Variants in TBC1D32 observed in about 807,000 individuals in gnomAD.
TBC1D32 encodes protein broad-minded.
In TBC1D32, 151 loss-of-function variants were observed where a neutral mutation model predicts 170.3. The observed-to-expected ratio is 0.89, with a 90% CI of 0.78 to 1.01. TBC1D32 has a LOEUF of 1.01. Ranked by LOEUF, TBC1D32 falls within the 50% of genes least tolerant of loss-of-function variation. The pLI is 0.00. For synonymous variants in TBC1D32, 498 were observed against 488.0 expected, an observed-to-expected ratio of 1.02 and a Z score of -0.27; for missense variants, 1,464 against 1,457.1, an observed-to-expected ratio of 1.00 and a Z score of -0.08.
At chr6:121,173,197 AT>A (rs1295736943) in intron 22 of TBC1D32, among the ~76,000 whole-genome samples, 1 of 152,060 alleles carries the variant, frequency 6.6e-6, no homozygotes, top group Non-Finnish European at 1.5e-5. Context: ...GACTAGACTG[AT>A]TTACTCTTCC....
At chr6:121,103,522 G>T (rs1778365181) in intron 30 of TBC1D32, among the ~76,000 whole-genome samples, 1 of 144,658 alleles carries the variant, frequency 6.9e-6, no homozygotes, top group South Asian at 2.2e-4. Context: ...CTCATAGGTG[G>T]GAATTGAACA....
At chr6:121,285,592 C>T (rs938863370) in intron 12 of TBC1D32, among the ~76,000 whole-genome samples, 1 of 152,092 alleles carries the variant, frequency 6.6e-6, no homozygotes, top group African/African-American at 2.4e-5. Context: ...GTGAGCGACG[C>T]AGAAGACGGG....
chr6:121,178,175 T>G (rs1788025471), intron 22 of TBC1D32, among the ~76,000 whole-genome samples: 1 of 152,138 alleles, frequency 6.6e-6, no homozygotes, highest in Non-Finnish European at 1.5e-5. Context: ...CATGATTCAA[T>G]TATCTCTGCC....
chr6:121,149,454 C>A (rs1195577451), intron 24 of TBC1D32, among the ~76,000 whole-genome samples: 2 of 152,042 alleles, frequency 1.3e-5, no homozygotes, highest in African/African-American at 4.8e-5. Flanking sequence ...ACAAAGGGGT[C>A]CAGTTTCATT....
At chr6:121,206,937 A>AT (rs1485144502) in intron 21 of TBC1D32, among the ~76,000 whole-genome samples, 2 of 152,280 alleles carry the variant, frequency 1.3e-5, no homozygotes, top group South Asian at 2.1e-4. Flanking sequence ...TTTTTCCTGA[A>AT]TTAGCTACAT....
chr6:121,199,884 G>T (rs1477655959), intron 22 of TBC1D32, among the ~76,000 whole-genome samples: 1 of 151,310 alleles, frequency 6.6e-6, no homozygotes, highest in Non-Finnish European at 1.5e-5. Flanking sequence ...TAACCAAACT[G>T]CTTTTAATTA....
intron 29 of TBC1D32, among the ~76,000 whole-genome samples, chr6:121,107,041 C>CAAA (rs900593228): frequency 2.6e-5 from 4 of 151,672 alleles, no homozygotes; most frequent in African/African-American, 9.7e-5. Context: ...ATTATATCAA[C>CAAA]AAAAAAAGTT....
chr6:121,092,243 C>T (rs1304503849), intron 30 of TBC1D32, among the ~76,000 whole-genome samples: 1 of 147,164 alleles, frequency 6.8e-6, no homozygotes, highest in Non-Finnish European at 1.5e-5. Flanking sequence ...ATTACTTTAC[C>T]TTCGACAAAA....
rs2128197704 is a variant in TBC1D32 at position 121,112,670 on chromosome 6, C to T, written c.3170-11G>A. On this transcript the variant is annotated splice_polypyrimidine_tract_variant and intron_variant, in intron 28 of 31. Coordinates refer to ENST00000398212, the MANE Select transcript of TBC1D32 (RefSeq NM_152730.6). ...TCCCTTGCAGGCAGACTGAAAAACA[C>T]AGTTAAGAAAACTTTACAATATTTT... 1 of 1,547,062 alleles carries T rather than the reference C, an allele frequency of 6.5e-7. No homozygotes were observed. The highest frequency in any genetic ancestry group is 2.4e-5 in the East Asian group (1 of 41,640).
intron 9 of TBC1D32, among the ~76,000 whole-genome samples, chr6:121,300,494 G>A (rs1019553284): frequency 2.6e-5 from 4 of 151,900 alleles, no homozygotes; most frequent in Non-Finnish European, 5.9e-5. Flanking sequence ...CAAGCAATGA[G>A]GAAAGGATTT....
chr6:121,233,409 A>G (rs1288797999), intron 20 of TBC1D32, among the ~76,000 whole-genome samples: 1 of 152,050 alleles, frequency 6.6e-6, no homozygotes, highest in African/African-American at 2.4e-5. Context: ...GTGCTTATAT[A>G]TTTAGGATTT....
At chr6:121,255,530 T>TTTTA (rs1798892581) in intron 16 of TBC1D32, 120 bp from the exon 17 acceptor site, 1 of 241,908 alleles carries the variant, frequency 4.1e-6, no homozygotes, top group African/African-American at 2.4e-5. Context: ...TTTATATTTC[T>TTTTA]TACTGATAGC....
intron 15 of TBC1D32, among the ~76,000 whole-genome samples, chr6:121,262,273 G>A (rs370783470): frequency 1.3e-5 from 2 of 152,084 alleles, no homozygotes; most frequent in East Asian, 3.9e-4. Context: ...AGGAAATACA[G>A]AGAACCTCAC....
intron 10 of TBC1D32, 96 bp downstream of exon 10, chr6:121,299,350 T>C: frequency 7.6e-7 from 1 of 1,318,700 alleles, no homozygotes; most frequent in South Asian, 1.4e-5. Context: ...TATCCAATAT[T>C]AATTATCACC....
chr6:121,302,001 G>A (rs183017260), intron 9 of TBC1D32, among the ~76,000 whole-genome samples: 1 of 152,134 alleles, frequency 6.6e-6, no homozygotes, highest in East Asian at 1.9e-4. Flanking sequence ...AAAACCTTGG[G>A]TTTTAAACCT....
intron 15 of TBC1D32, among the ~76,000 whole-genome samples, chr6:121,265,124 GTC>G (rs1244606265): frequency 6.6e-6 from 1 of 152,136 alleles, no homozygotes; most frequent in African/African-American, 2.4e-5. Flanking sequence ...AAGTCAAATT[GTC>G]TCTGTTTGCA....
chr6:121,132,343 A>C (rs906450836), intron 24 of TBC1D32, among the ~76,000 whole-genome samples: 5 of 151,976 alleles, frequency 3.3e-5, no homozygotes, highest in African/African-American at 7.2e-5. Flanking sequence ...AGAAAATGAA[A>C]TTCTCATGTG....
At chr6:121,262,591 C>T (rs4946558) in intron 15 of TBC1D32, among the ~76,000 whole-genome samples, 4,972 of 152,032 alleles carry the variant, frequency 0.033, 192 homozygotes, top group East Asian at 0.12. Flanking sequence ...ATTCTCCTGC[C>T]TCAGCCTCCT....
chr6:121,242,803 G>A (rs1276483569), intron 17 of TBC1D32, among the ~76,000 whole-genome samples: 2 of 151,524 alleles, frequency 1.3e-5, no homozygotes, highest in African/African-American at 4.9e-5. Context: ...TTTTACTTTT[G>A]GGGAAAGATA....
Sources: gnomAD v4.1 joint callset for allele counts (sites outside exome capture counted in the v4.1 genomes callset) on GRCh38, gnomAD v4.1.1 for gene constraint, MANE v1.5 for transcripts, NCBI Gene and HGNC (gene_info 2026-07-23, HGNC 2026-07-21) for gene names.